The following KMT2C variants were observed in gnomAD, a reference collection of about 807,000 sequenced individuals.
KMT2C encodes the protein histone-lysine N-methyltransferase 2C.
A neutral mutation model predicts 507.9 loss-of-function variants in KMT2C; 88 were observed. The observed-to-expected ratio is 0.17, with a 90% CI of 0.15 to 0.21. The LOEUF (loss-of-function observed/expected upper bound fraction) is 0.21. Among genes scored for constraint, KMT2C ranks in the 10% least tolerant of loss-of-function variants. The pLI, the probability that KMT2C is intolerant of heterozygous loss-of-function variation, is 1.00. For missense variants in KMT2C, 4,954 were observed against 5,957.8 expected (o/e 0.83, Z 5.55); for synonymous variants, 2,049 against 2,080.8 (o/e 0.98, Z 0.42).
chr7:152,433,952 C>G (rs2097890536), intron 1 of KMT2C, among the ~76,000 whole-genome samples: 1 of 152,204 alleles, frequency 6.6e-6, no homozygotes, highest in African/African-American at 2.4e-5. Flanking sequence ...AGTAAGAATT[C>G]AAATGCAAAT....
At chr7:152,371,624 T>C (rs2097294226) in intron 1 of KMT2C, among the ~76,000 whole-genome samples, 1 of 151,910 alleles carries the variant, frequency 6.6e-6, no homozygotes, top group Non-Finnish European at 1.5e-5. Flanking sequence ...TTTCATTTTA[T>C]TTTTTTTGAG....
rs2090144544 is a variant in KMT2C, at chr7:152,138,543, G to A, written c.14643+253C>T. On this transcript the variant is annotated intron_variant, in intron 58 of 58. Transcript: ENST00000262189. This position sits in a 1 kb window ranked among gnomAD's most constrained non-coding sequence, Gnocchi z 4.2. Reference sequence around the variant, plus strand: ...AAATGATACCACCTGGGTGCCATGGGGATGCTGAACCCGTGGCACAGAAGG... The same window carrying A: ...AAATGATACCACCTGGGTGCCATGGAGATGCTGAACCCGTGGCACAGAAGG... 2 of 369,434 alleles carry A rather than the reference G, an allele frequency of 5.4e-6. No individual in the cohort carries two copies. Among genetic ancestry groups the A allele is most frequent in the Non-Finnish European group, 4.9e-6 (1 of 203,198 alleles). The allele number at this position is 369,434 out of a possible 1,614,324, so 22.9% of individuals were successfully genotyped here.
chr7:152,145,374 C>A, intron 53 of KMT2C, 79 bp from the exon 54 acceptor site: 1 of 1,412,828 alleles, frequency 7.1e-7, no homozygotes, highest in Non-Finnish European at 9.7e-7. Flanking sequence ...CAAAGGATGG[C>A]CCACGACAGA....
At chr7:152,150,591 G>A (rs2091528810) in intron 51 of KMT2C, among the ~76,000 whole-genome samples, 1 of 152,126 alleles carries the variant, frequency 6.6e-6, no homozygotes, top group South Asian at 2.1e-4. Context: ...TTCAGCCTGT[G>A]GGACCAGAAT....
At chr7:152,192,009 T>C (rs1250283847) in intron 31 of KMT2C, among the ~76,000 whole-genome samples, 2 of 151,768 alleles carry the variant, frequency 1.3e-5, no homozygotes, top group Non-Finnish European at 2.9e-5. Context: ...CTGATTCACC[T>C]TGTATTACAC....
At position 152,234,005 on chromosome 7, in the gene KMT2C, C is replaced by T. The variant is rs190307686; in HGVS notation, c.2769+1812G>A. Among the ~76,000 whole-genome samples, 10 of 151,434 alleles carry T rather than the reference C, an allele frequency of 6.6e-5. No individual in the cohort carries two copies. In the East Asian group the frequency reaches 1.4e-3, roughly 21 times the overall value. ...CAAAAATTAGCCAGGCATGTTGGTG[C>T]GCGCCAGTAATCCCAGCTACTCAGA... On this transcript the variant is annotated intron_variant, in intron 16 of 58. Coordinates refer to ENST00000262189, the MANE Select transcript of KMT2C (RefSeq NM_170606.3).
intron 53 of KMT2C, among the ~76,000 whole-genome samples, chr7:152,145,967 A>G (rs1206575050): frequency 2.0e-5 from 3 of 152,250 alleles, no homozygotes; most frequent in Non-Finnish European, 4.4e-5. Flanking sequence ...AATTAGGCAC[A>G]TTACTCAGTG....
chr7:152,192,369 C>T lies in KMT2C; in HGVS notation c.4660+1640G>A, dbSNP rs560626842. 2.2e-4 allele frequency among the ~76,000 whole-genome samples: 34 copies of T among 152,004 alleles called. No individual in the cohort carries two copies. The East Asian group carries it at 6.2e-3, about 28-fold the overall frequency. The stretch of plus-strand genomic sequence containing the variant: ...CAGCCTGACCAAGATGGTGAAACCC[C>T]GTCTCTACTAAAAATACAAAAAATT... On this transcript the variant is annotated intron_variant, in intron 31 of 58. Transcript: ENST00000262189.
intron 1 of KMT2C, among the ~76,000 whole-genome samples, chr7:152,434,098 C>T (rs998974368): frequency 2.0e-5 from 3 of 152,176 alleles, no homozygotes; most frequent in African/African-American, 7.2e-5. Context: ...AAAAAAGTGG[C>T]TTACATGTCT....
At chr7:152,388,516 G>A (rs79335767) in intron 1 of KMT2C, among the ~76,000 whole-genome samples, 2 of 107,972 alleles carry the variant, frequency 1.9e-5, no homozygotes, top group Admixed American at 1.8e-4. Flanking sequence ...CGAGATTGTG[G>A]CACCGCACTC....
At chr7:152,166,363 C>A (rs943820200) in intron 42 of KMT2C, among the ~76,000 whole-genome samples, 13 of 152,188 alleles carry the variant, frequency 8.5e-5, no homozygotes, top group African/African-American at 3.1e-4. Flanking sequence ...CTCAAGTGAT[C>A]CACCCACCTC....
At chr7:152,338,262 C>A (rs879426445) in intron 2 of KMT2C, among the ~76,000 whole-genome samples, 5 of 152,200 alleles carry the variant, frequency 3.3e-5, no homozygotes, top group Admixed American at 1.3e-4. Context: ...CCCCTCCGAT[C>A]TATGCTCCAG....
chr7:152,229,649 A>ATCTT (rs1306027004), intron 18 of KMT2C, among the ~76,000 whole-genome samples: 1 of 152,172 alleles, frequency 6.6e-6, no homozygotes, highest in East Asian at 1.9e-4. Context: ...TAAACCTAAA[A>ATCTT]TCTTTGTGAA....
intron 16 of KMT2C, among the ~76,000 whole-genome samples, chr7:152,230,674 G>C (rs1256048853): frequency 6.6e-6 from 1 of 152,156 alleles, no homozygotes; most frequent in Non-Finnish European, 1.5e-5. Flanking sequence ...ACACACTTGG[G>C]ATCTGCAATG....
chr7:152,311,552 G>A (rs146862331), intron 5 of KMT2C, among the ~76,000 whole-genome samples: 69 of 152,052 alleles, frequency 4.5e-4, no homozygotes, highest in African/African-American at 1.5e-3. Flanking sequence ...CCATGGCACC[G>A]CTATCTACAC....
At chr7:152,334,384 G>A (rs529735696) in intron 2 of KMT2C, among the ~76,000 whole-genome samples, 78 of 152,108 alleles carry the variant, frequency 5.1e-4, no homozygotes, top group Non-Finnish European at 9.6e-4. Flanking sequence ...CTTGGGAGGC[G>A]GAGGTTGCGG....
At chr7:152,168,825 C>T (rs1274798661) in intron 41 of KMT2C, among the ~76,000 whole-genome samples, 1 of 152,078 alleles carries the variant, frequency 6.6e-6, no homozygotes, top group Non-Finnish European at 1.5e-5. Flanking sequence ...TTGTTTTTCC[C>T]ATTTAGTGTC....
At chr7:152,351,837 T>C (rs1420759813) in intron 2 of KMT2C, among the ~76,000 whole-genome samples, 1 of 152,208 alleles carries the variant, frequency 6.6e-6, no homozygotes, top group Non-Finnish European at 1.5e-5. Flanking sequence ...GTCATTTTCA[T>C]AAGCTGAGGA....
intron 23 of KMT2C, among the ~76,000 whole-genome samples, chr7:152,214,109 A>T (rs1299871996): frequency 2.0e-5 from 3 of 152,034 alleles, no homozygotes; most frequent in African/African-American, 7.2e-5. Flanking sequence ...ACCTTTGTAC[A>T]TGGTTGATAG....
Sources: gnomAD v4.1 joint callset for allele counts (sites outside exome capture counted in the v4.1 genomes callset) on GRCh38, gnomAD v4.1.1 for gene constraint, Gnocchi (gnomAD v3.1) non-coding constraint, MANE v1.5 for transcripts, NCBI Gene and HGNC (gene_info 2026-07-23, HGNC 2026-07-21) for gene names.